The following KIAA1671 variants were observed in gnomAD, a reference collection of about 807,000 sequenced individuals.
KIAA1671 encodes uncharacterized protein KIAA1671.
In KIAA1671, 52 loss-of-function variants were observed where a neutral mutation model predicts 131.2. The observed-to-expected ratio is 0.40, with a 90% CI of 0.32 to 0.50. The LOEUF (loss-of-function observed/expected upper bound fraction) is 0.50, where lower values mean the gene tolerates loss of function less well. Among genes scored for constraint, KIAA1671 ranks in the 20% least tolerant of loss-of-function variants. KIAA1671 has a pLI of 0.73. For synonymous variants in KIAA1671, 1,003 were observed against 961.6 expected (o/e 1.04, Z -0.80); for missense variants, 2,360 against 2,364.2 (o/e 1.00, Z 0.04).
chr22:25,031,662 C>T (rs1252488006), intron 3 of KIAA1671, among the ~76,000 whole-genome samples: 2 of 152,176 alleles, frequency 1.3e-5, no homozygotes, highest in Non-Finnish European at 2.9e-5. Flanking sequence ...GCTTCCAAGT[C>T]GATCTTATGT....
At chr22:25,088,095 T>TTTTC (rs200698424) in intron 6 of KIAA1671, among the ~76,000 whole-genome samples, 5 of 146,970 alleles carry the variant, frequency 3.4e-5, no homozygotes, top group African/African-American at 1.0e-4. Context: ...GATGTCTTTC[T>TTTTC]TTTCTTTCTT....
At chr22:25,187,451 A>T (rs1934516159) in intron 11 of KIAA1671, among the ~76,000 whole-genome samples, 1 of 151,170 alleles carries the variant, frequency 6.6e-6, no homozygotes, top group Admixed American at 6.7e-5. Context: ...TCCCGTGCCC[A>T]TTTAACAATC....
intron 6 of KIAA1671, among the ~76,000 whole-genome samples, chr22:25,076,107 G>A (rs1004438672): frequency 6.6e-6 from 1 of 152,088 alleles, no homozygotes; most frequent in Non-Finnish European, 1.5e-5. Context: ...GTGTCCACTG[G>A]CAGCATAAAA....
intron 6 of KIAA1671, among the ~76,000 whole-genome samples, chr22:25,139,689 T>C (rs1374589364): frequency 2.0e-5 from 3 of 152,092 alleles, no homozygotes; most frequent in Non-Finnish European, 2.9e-5. Context: ...TGAAGAAAAG[T>C]AAAGCAAAGT....
chr22:25,093,906 C>A (rs1020281988), intron 6 of KIAA1671, among the ~76,000 whole-genome samples: 2 of 131,248 alleles, frequency 1.5e-5, no homozygotes, highest in East Asian at 2.5e-4. Flanking sequence ...TCTGCTTCTG[C>A]TTCTGCTCCT....
intron 1 of KIAA1671, among the ~76,000 whole-genome samples, chr22:24,992,476 T>G (rs1363531666): frequency 6.6e-6 from 1 of 152,140 alleles, no homozygotes; most frequent in African/African-American, 2.4e-5. Flanking sequence ...TGGCTCCTAG[T>G]ACAGTGCCTG....
chr22:25,173,561 T>C (rs1933920889), intron 7 of KIAA1671, among the ~76,000 whole-genome samples: 1 of 152,244 alleles, frequency 6.6e-6, no homozygotes, highest in Admixed American at 6.5e-5. Flanking sequence ...ATGCAATATA[T>C]ACATGTATTG....
intron 2 of KIAA1671, among the ~76,000 whole-genome samples, chr22:25,027,288 C>T (rs1240463349): frequency 1.3e-5 from 2 of 152,150 alleles, no homozygotes. Flanking sequence ...GGGTTGGTGC[C>T]TAGGGCATGG....
At chr22:25,132,706 G>A (rs112679173) in intron 6 of KIAA1671, among the ~76,000 whole-genome samples, 2,660 of 152,224 alleles carry the variant, frequency 0.017, 34 homozygotes, top group Middle Eastern at 0.058. Context: ...CCTGTTACAG[G>A]TTCTCCTCAC....
At chr22:25,165,598 AT>A (rs1030183988) in intron 6 of KIAA1671, among the ~76,000 whole-genome samples, 2 of 152,208 alleles carry the variant, frequency 1.3e-5, no homozygotes, top group Non-Finnish European at 2.9e-5. Context: ...GTATTAGTTA[AT>A]GTCAATTTAA....
chr22:24,961,691 C>T (rs1489004072), intron 1 of KIAA1671, among the ~76,000 whole-genome samples: 1 of 152,234 alleles, frequency 6.6e-6, no homozygotes, highest in Non-Finnish European at 1.5e-5. Context: ...ATGCTATAGG[C>T]TGAAGCAAGT....
chr22:24,969,475 CA>C (rs1922487738), intron 1 of KIAA1671, among the ~76,000 whole-genome samples: 1 of 152,132 alleles, frequency 6.6e-6, no homozygotes, highest in African/African-American at 2.4e-5. Context: ...TGTACATGTT[CA>C]TTACAGACAC....
intron 4 of KIAA1671, among the ~76,000 whole-genome samples, chr22:25,034,741 T>A (rs11913770): frequency 0.088 from 13,314 of 151,968 alleles, 1,916 homozygotes; most frequent in African/African-American, 0.3. Context: ...TAATTTATTA[T>A]TATTTTTCAT....
chr22:24,954,801 G>A (rs970286531), intron 1 of KIAA1671, among the ~76,000 whole-genome samples: 1 of 152,090 alleles, frequency 6.6e-6, no homozygotes, highest in African/African-American at 2.4e-5. Context: ...TGTTTTTTGA[G>A]ATGGAGTCTC....
chr22:25,028,475 C>T lies in KIAA1671; in HGVS notation c.476C>T (p.Ala159Val). 4 of 1,549,918 alleles carry T rather than the reference C, an allele frequency of 2.6e-6. No homozygotes were observed. The highest frequency in any genetic ancestry group is 3.5e-6 in the Non-Finnish European group (4 of 1,146,322). ...AAAAGCGGCCCCGCTCTGGGGAAGG[C>T]GGTTAGTGAGGGGGCGGAGGAGGCC... ...TTKSGPALGK[A>V]VSEGAEEAKL... Residue 159 changes from alanine to valine, a missense_variant, in exon 3 of 13, where the codon GCG (alanine) becomes GTG (valine). Physicochemically the swap from Ala to Val is moderately conservative, Grantham distance 64 (BLOSUM62 0). This residue lies in a region of KIAA1671 where 1,185 missense variants were observed against 1,126.2 expected (regional missense o/e 1.05). Transcript: ENST00000358431.
chr22:24,986,153 G>T (rs1042835244), intron 1 of KIAA1671, among the ~76,000 whole-genome samples: 2 of 152,128 alleles, frequency 1.3e-5, no homozygotes, highest in Non-Finnish European at 1.5e-5. Context: ...CCAGTCTGGC[G>T]CTCTTGGAGA....
chr22:25,082,458 A>G (rs1929462409), intron 6 of KIAA1671, among the ~76,000 whole-genome samples: 2 of 152,146 alleles, frequency 1.3e-5, no homozygotes, highest in African/African-American at 4.8e-5. Flanking sequence ...CAGAGGACAC[A>G]ATGTAACCAT....
At chr22:25,134,215 G>C (rs937643363) in intron 6 of KIAA1671, among the ~76,000 whole-genome samples, 3 of 152,154 alleles carry the variant, frequency 2.0e-5, no homozygotes, top group Non-Finnish European at 4.4e-5. Context: ...GATGTTTCCG[G>C]GAACACAGCA....
chr22:25,097,750 T>A (rs1930459959), intron 6 of KIAA1671, among the ~76,000 whole-genome samples: 1 of 141,310 alleles, frequency 7.1e-6, no homozygotes, highest in South Asian at 2.3e-4. Flanking sequence ...AAAAAAAAAA[T>A]CGTAAAATAA....
Sources: allele counts gnomAD v4.1 joint callset (sites outside exome capture counted in the v4.1 genomes callset), GRCh38; gene constraint gnomAD v4.1.1; regional missense constraint gnomAD v4.1.1; transcripts MANE v1.5; gene names NCBI Gene and HGNC (gene_info 2026-07-23, HGNC 2026-07-21).